Variants in TGM2 observed in about 807,000 individuals in gnomAD.
TGM2 encodes protein-glutamine gamma-glutamyltransferase 2.
Under a neutral mutation model 75.6 loss-of-function variants are expected in TGM2, and 53 were observed. The observed-to-expected ratio is 0.70, with a 90% CI of 0.56 to 0.88. The LOEUF (loss-of-function observed/expected upper bound fraction) is 0.88, where lower values mean the gene tolerates loss of function less well. TGM2 is among the 40% of genes least tolerant of loss of function. TGM2 has a pLI of 0.00. For missense variants in TGM2, 842 were observed against 928.5 expected, an observed-to-expected ratio of 0.91 and a Z score of 1.21; for synonymous variants, 374 against 381.1, an observed-to-expected ratio of 0.98 and a Z score of 0.22.
chr20:38,149,755 G>C (rs2075095678), intron 4 of TGM2, among the ~76,000 whole-genome samples: 1 of 149,946 alleles, frequency 6.7e-6, no homozygotes, highest in Non-Finnish European at 1.5e-5. Context: ...TCTCAGGAGA[G>C]AATAAAAAGC....
intron 10 of TGM2, among the ~76,000 whole-genome samples, chr20:38,136,806 C>G (rs2074906495): frequency 6.6e-6 from 1 of 152,128 alleles, no homozygotes; most frequent in South Asian, 2.1e-4. Flanking sequence ...GATTCCTGGT[C>G]CCTCACTGCC....
Position 38,155,941 on chromosome 20 carries a change from G to T in TGM2, c.339C>A (p.Gly113=). 6.2e-7 allele frequency: 1 copy of T among 1,612,242 alleles called. No individual in the cohort carries two copies. The highest frequency in any genetic ancestry group is 1.1e-5 in the South Asian group (1 of 90,522). Residue 113 remains glycine, a synonymous_variant, in exon 3 of 13, where the codon GGC becomes GGA. Coordinates refer to ENST00000361475, the MANE Select transcript of TGM2 (RefSeq NM_004613.4). The part of the protein sequence containing the change: ...QLTTPANAPI[G]LYRLSLEAST... ...AGGCCTCCAGGCTGAGGCGATACAG[G>T]CCGATGGGGGCGTTGGCCGGGGTGG...
chr20:38,155,592 C>T (rs2075174252), intron 3 of TGM2, among the ~76,000 whole-genome samples: 1 of 152,148 alleles, frequency 6.6e-6, no homozygotes, highest in African/African-American at 2.4e-5. Context: ...AAGTGATTCT[C>T]CCTCCTCAGC....
chr20:38,149,346 G>A (rs2075085638), intron 4 of TGM2, among the ~76,000 whole-genome samples: 1 of 151,966 alleles, frequency 6.6e-6, no homozygotes, highest in Non-Finnish European at 1.5e-5. Context: ...CTTTGCAAAG[G>A]CCATGTCCCA....
chr20:38,153,528 A>AAAAAAAAAAATAAAAGAAAAG (rs56670550), intron 3 of TGM2, among the ~76,000 whole-genome samples: 1 of 125,254 alleles, frequency 8.0e-6, no homozygotes, highest in Non-Finnish European at 1.6e-5. Context: ...TGGTCTCAAA[A>AAAAAAAAAAATAAAAGAAAAG]AAAAGAAAAA....
At position 38,141,390 on chromosome 20, in the gene TGM2, G is replaced by C. The variant is rs2076389; in HGVS notation, c.996-5C>G. On this transcript the variant is annotated splice_region_variant and splice_polypyrimidine_tract_variant and intron_variant, in intron 7 of 12. Transcript: ENST00000361475. ...TCCACCCAGCAGTGGAAGTTCCTGA[G>C]GGGGATAGGGGGGCGGGAATGAAGC... 2.0e-5 allele frequency: 31 copies of C among 1,566,958 alleles called. No homozygotes were observed. The highest frequency in any genetic ancestry group is 1.5e-4 in the Admixed American group (8 of 53,172).
At position 38,148,005 on chromosome 20, in the gene TGM2, G is replaced by A. The variant is rs771803303; in HGVS notation, c.637C>T (p.Arg213Cys). 1.6e-5 allele frequency: 25 copies of A among 1,610,366 alleles called. No homozygotes were observed. In the South Asian group the frequency reaches 2.0e-4, roughly 13 times the overall value. ...CCCACGTAGACGGGGCTGCTGCGGC[G>A]GGAGCAGTCACGGCCGGCGTTCTTC... ...FLKNAGRDCS[R>C]RSSPVYVGRV... Residue 213 changes from arginine to cysteine, a missense_variant, in exon 5 of 13, where the codon CGC becomes TGC. Arg to Cys is a radical substitution (Grantham distance 180). Coordinates refer to ENST00000361475, the MANE Select transcript of TGM2 (RefSeq NM_004613.4).
intron 2 of TGM2, among the ~76,000 whole-genome samples, chr20:38,159,621 A>G (rs2075230984): frequency 1.3e-5 from 2 of 152,218 alleles, no homozygotes. Flanking sequence ...TCACAGAGGA[A>G]CACACTGAGC....
At chr20:38,164,174 T>C (rs2075286029) in intron 1 of TGM2, among the ~76,000 whole-genome samples, 1 of 152,098 alleles carries the variant, frequency 6.6e-6, no homozygotes, top group African/African-American at 2.4e-5. Flanking sequence ...CACATCACAG[T>C]GTGTTGGGAG....
In TGM2 at chr20:38,142,216, G is replaced by A; in HGVS notation, c.860-17C>T. The A allele has an allele frequency of 6.2e-7, 1 of 1,614,066 alleles. No homozygotes were observed. The highest frequency in any genetic ancestry group is 8.5e-7 in the Non-Finnish European group (1 of 1,179,954). On this transcript the variant is annotated splice_polypyrimidine_tract_variant and intron_variant, in intron 6 of 12. Transcript: ENST00000361475. ...ACCTCAGCACTGTTGGAGAGGAGTGGAAAGCGGGGTGAGGTCCTGGAGACA... is the reference window on the plus strand; with the variant it reads ...ACCTCAGCACTGTTGGAGAGGAGTGAAAAGCGGGGTGAGGTCCTGGAGACA...
chr20:38,144,000 C>G (rs1283208152), intron 6 of TGM2, among the ~76,000 whole-genome samples: 1 of 152,212 alleles, frequency 6.6e-6, no homozygotes. Context: ...CTGGGCAGGG[C>G]TCAGCCCTAA....
chr20:38,140,590 C>G (rs2074959908), intron 8 of TGM2, among the ~76,000 whole-genome samples: 1 of 152,156 alleles, frequency 6.6e-6, no homozygotes, highest in Non-Finnish European at 1.5e-5. Flanking sequence ...CTCATAAGAA[C>G]CACAGGCGTG....
chr20:38,146,751 G>A lies in TGM2; in HGVS notation c.825C>T (p.Gly275=), dbSNP rs761341557. 6.2e-7 allele frequency: 1 copy of A among 1,613,780 alleles called. No homozygotes were observed. The highest frequency in any genetic ancestry group is 2.2e-5 in the East Asian group (1 of 44,866). The change falls in exon 6 of 13, where the codon GGC becomes GGT. Residue 275 remains glycine, a synonymous_variant. Coordinates refer to ENST00000361475, the MANE Select transcript of TGM2 (RefSeq NM_004613.4). ...CCACGGCGGCGAAGACCCAGCACTG[G>A]CCATACTTGACGCGCTGGCAGCCGT... ...KNHGCQRVKY[G]QCWVFAAVAC... is the part of the protein sequence containing the mutation.
intron 1 of TGM2, among the ~76,000 whole-genome samples, chr20:38,164,315 TGC>T (rs2075287445): frequency 1.3e-5 from 2 of 152,152 alleles, no homozygotes; most frequent in Non-Finnish European, 2.9e-5. Context: ...TTGCAATGGG[TGC>T]AGAAGCCATC....
intron 4 of TGM2, among the ~76,000 whole-genome samples, chr20:38,149,678 C>CAAAAAAAAAAAAAAAAAAA (rs1199376180): frequency 3.2e-4 from 13 of 40,432 alleles, no homozygotes; most frequent in African/African-American, 1.0e-3. Context: ...GACTCCGCCT[C>CAAAAAAAAAAAAAAAAAAA]AAAAAAAAAA....
At position 38,132,517 on chromosome 20, in the gene TGM2, A is replaced by C; in HGVS notation, c.1616-17T>G. 1 of 1,613,994 alleles carries C rather than the reference A, an allele frequency of 6.2e-7. No individual in the cohort carries two copies. The highest frequency in any genetic ancestry group is 8.5e-7 in the Non-Finnish European group (1 of 1,179,958). ...CGCTCTTCTCTGCAGAAGGGGAGAA[A>C]GGAGGGTGCTCATGATGCAGAATCA... On this transcript the variant is annotated splice_polypyrimidine_tract_variant and intron_variant, in intron 10 of 12. Transcript: ENST00000361475.
In TGM2 at chr20:38,130,159, G is replaced by A. The variant is rs1176861438; in HGVS notation, c.*60C>T. ...AAGAAGGGGCATATTTTGCTCACTA[G>A]CTTGGGATAAGGATTGGGATCAAGG... On this transcript the variant is annotated 3_prime_UTR_variant, in exon 13 of 13. Coordinates refer to ENST00000361475, the MANE Select transcript of TGM2 (RefSeq NM_004613.4). 3 of 1,606,584 alleles carry A rather than the reference G, an allele frequency of 1.9e-6. No individual in the cohort carries two copies. Among genetic ancestry groups the A allele is most frequent in the Non-Finnish European group, 2.5e-6 (3 of 1,177,344 alleles).
At chr20:38,161,660 A>G in intron 1 of TGM2, 61 bp from the exon 2 acceptor site, 1 of 1,590,794 alleles carries the variant, frequency 6.3e-7, no homozygotes, top group Non-Finnish European at 8.6e-7. Context: ...CCAGTGATGC[A>G]CCTGCCCTCC....
Position 38,138,396 on chromosome 20 carries a change from TGAG to T in TGM2, c.1343-14_1343-12del. ...TCTCCTCTGAGGACCCTGTAGGGGT[TGAG>T]AAGAGAGCCTCAATCACAGCTGGAA... On this transcript the variant is annotated splice_polypyrimidine_tract_variant and intron_variant, in intron 9 of 12. Coordinates refer to ENST00000361475, the MANE Select transcript of TGM2 (RefSeq NM_004613.4). The T allele has an allele frequency of 6.2e-7, 1 of 1,613,562 alleles. No individual in the cohort carries two copies. The highest frequency in any genetic ancestry group is 1.7e-5 in the Admixed American group (1 of 60,014).
Sources: allele counts gnomAD v4.1 joint callset (sites outside exome capture counted in the v4.1 genomes callset), GRCh38; gene constraint gnomAD v4.1.1; transcripts MANE v1.5; gene names NCBI Gene and HGNC (gene_info 2026-07-23, HGNC 2026-07-21).